NCAN: variants seen among roughly 807,000 people sequenced by gnomAD.
NCAN encodes the protein neurocan.
In NCAN, 47 loss-of-function variants were observed where a neutral mutation model predicts 121.8. The observed-to-expected ratio is 0.39, with a 90% CI of 0.31 to 0.49. NCAN has a LOEUF of 0.49. NCAN is among the 20% of genes least tolerant of loss of function. NCAN has a pLI of 0.92. For synonymous variants in NCAN, 633 were observed against 702.0 expected (o/e 0.90, Z 1.55); for missense variants, 1,517 against 1,773.4 (o/e 0.86, Z 2.60).
Position 19,250,076 on chromosome 19 carries a change from T to C in NCAN, c.*165T>C. On this transcript the variant is annotated 3_prime_UTR_variant, in exon 15 of 15. Coordinates refer to ENST00000252575, the MANE Select transcript of NCAN (RefSeq NM_004386.3). ...TGTACAAAGCTCCTCTTTTCCCTTT[T>C]TTTACATACACAAGATCCTCTTGGC... is the stretch of plus-strand genomic sequence containing the variant. 1 of 811,984 alleles carries C rather than the reference T, an allele frequency of 1.2e-6. No homozygotes were observed. Among genetic ancestry groups the C allele is most frequent in the South Asian group, 1.5e-5 (1 of 68,840 alleles). 50.3% of individuals were successfully genotyped at this position (811,984 alleles called of 1,614,324 possible).
rs1215825159 is a variant in NCAN, at chr19:19,251,335, AG to A, written c.*1425del. The A allele has an allele frequency of 6.6e-6, 1 of 152,248 alleles. No individual in the cohort carries two copies. Among genetic ancestry groups the A allele is most frequent in the Non-Finnish European group, 1.5e-5 (1 of 68,040 alleles). The allele number at this position is 152,248 out of a possible 1,614,324, so 9.4% of individuals were successfully genotyped here. ...TAATAATGACCATTGACAACTAAGAAGTAGACACCATGCTAAAGACTTACAT... is the reference window on the plus strand; with the variant it reads ...TAATAATGACCATTGACAACTAAGAATAGACACCATGCTAAAGACTTACAT... On this transcript the variant is annotated 3_prime_UTR_variant, in exon 15 of 15. Coordinates refer to ENST00000252575, the MANE Select transcript of NCAN (RefSeq NM_004386.3).
intron 12 of NCAN, among the ~76,000 whole-genome samples, chr19:19,243,170 G>T (rs75235904): frequency 0.057 from 8,717 of 151,824 alleles, 390 homozygotes; most frequent in Non-Finnish European, 0.083. Context: ...TCGGGAGAAG[G>T]GGGAGTCACT....
chr19:19,213,841 T>C (rs185357713), intron 1 of NCAN, among the ~76,000 whole-genome samples: 1 of 152,162 alleles, frequency 6.6e-6, no homozygotes, highest in East Asian at 1.9e-4. Flanking sequence ...TGAGCCCATC[T>C]CCCTTTCTCC....
chr19:19,235,194 C>T (rs2060876589), intron 10 of NCAN, 98 bp downstream of exon 10: 3 of 664,880 alleles, frequency 4.5e-6, no homozygotes, highest in Admixed American at 5.0e-5. Context: ...CCTCCAGTTC[C>T]ATGGCTGTGA....
chr19:19,228,864 C>A (rs533336629), intron 8 of NCAN, among the ~76,000 whole-genome samples: 1 of 152,148 alleles, frequency 6.6e-6, no homozygotes, highest in African/African-American at 2.4e-5. Flanking sequence ...GATGAAGTAG[C>A]GCTTGATCAA....
At chr19:19,249,061 G>A (rs541710273) in intron 14 of NCAN, 179 bp downstream of exon 14, 4 of 613,640 alleles carry the variant, frequency 6.5e-6, no homozygotes, top group Non-Finnish European at 8.5e-6. Context: ...GTGTGTGTGT[G>A]TGTGTGTGTG....
chr19:19,222,521 T>G, intron 3 of NCAN, among the ~76,000 whole-genome samples: 1 of 152,184 alleles, frequency 6.6e-6, no homozygotes, highest in Non-Finnish European at 1.5e-5. Context: ...TCAAGTGATC[T>G]GCCTGCCTCG....
At position 19,227,524 on chromosome 19, in the gene NCAN, T is replaced by A. The variant is rs1599813504; in HGVS notation, c.1904T>A (p.Met635Lys). ...TCCCCAGATCTCCCTATGATGGCCA[T>A]GCTGCGTGGTCCCAAAGAGTGGATG... The part of the protein sequence containing the change: ...ATSPDLPMMA[M>K]LRGPKEWMLP... The change falls in exon 8 of 15, where the codon ATG becomes AAG. Residue 635 changes from methionine to lysine, a missense_variant. Coordinates refer to ENST00000252575, the MANE Select transcript of NCAN (RefSeq NM_004386.3). This position sits in a 1 kb window ranked among gnomAD's most constrained non-coding sequence, Gnocchi z 4.2. 1 of 1,613,700 alleles carries A rather than the reference T, an allele frequency of 6.2e-7. No homozygotes were observed. Among genetic ancestry groups the A allele is most frequent in the East Asian group, 2.2e-5 (1 of 44,860 alleles).
At position 19,225,399 on chromosome 19, in the gene NCAN, T is replaced by A; in HGVS notation, c.1072+129T>A. ...CTTTGTGATAAGCCACATCCCTGGG[T>A]GAGGGCCACGCCCCCGGGTGAAGGC... On this transcript the variant is annotated intron_variant, in intron 6 of 14. Coordinates refer to ENST00000252575, the MANE Select transcript of NCAN (RefSeq NM_004386.3). The surrounding 1 kb of genome is among the most constrained non-coding windows in gnomAD (Gnocchi z 4.0). The A allele has an allele frequency of 8.5e-7, 1 of 1,174,144 alleles. No homozygotes were observed. Among genetic ancestry groups the A allele is most frequent in the Non-Finnish European group, 1.1e-6 (1 of 883,508 alleles). 72.7% of individuals were successfully genotyped at this position (1,174,144 alleles called of 1,614,324 possible).
chr19:19,228,257 G>T lies in NCAN; in HGVS notation c.2637G>T (p.Gly879=). 1 of 1,613,948 alleles carries T rather than the reference G, an allele frequency of 6.2e-7. No individual in the cohort carries two copies. The highest frequency in any genetic ancestry group is 8.5e-7 in the Non-Finnish European group (1 of 1,180,026). ...IVTPLTTLEQ[G]DKVGVPAMST... is the part of the protein sequence containing the mutation. ...CGCCCCTCACGACCCTGGAGCAGGG[G>T]GACAAGGTTGGAGTTCCAGCCATGT... Residue 879 remains glycine, a synonymous_variant, in exon 8 of 15, where the codon GGG becomes GGT. Transcript: ENST00000252575.
At chr19:19,219,432 T>A in intron 3 of NCAN, 116 bp downstream of exon 3, 1 of 1,144,770 alleles carries the variant, frequency 8.7e-7, no homozygotes, top group South Asian at 1.7e-5. Flanking sequence ...TGGTGTCTCA[T>A]GCCTGTAATC....
rs139539812 is a variant in NCAN at position 19,226,878 on chromosome 19, C to T, written c.1465C>T (p.Arg489Cys). Residue 489 changes from arginine (R) to cysteine (C), a missense_variant, in exon 7 of 15, where the codon CGC becomes TGC. Coordinates refer to ENST00000252575, the MANE Select transcript of NCAN (RefSeq NM_004386.3). Reference protein sequence around the residue: ...RRGRFKGLNGRYFQQQEPEPG... With the variant: ...RRGRFKGLNGCYFQQQEPEPG... ...GGGGCGCTTCAAAGGGTTGAATGGG[C>T]GCTACTTCCAGCAGCAGGAACCGGA... The T allele has an allele frequency of 5.6e-6, 9 of 1,611,448 alleles. No homozygotes were observed. In the African/African-American group the frequency reaches 8.0e-5, roughly 14 times the overall value.
At chr19:19,246,290 G>A (rs1283378373) in intron 13 of NCAN, among the ~76,000 whole-genome samples, 1 of 151,780 alleles carries the variant, frequency 6.6e-6, no homozygotes, top group African/African-American at 2.4e-5. Context: ...CACCCACCTC[G>A]GCCTCCCAAA....
intron 14 of NCAN, 195 bp downstream of exon 14, chr19:19,249,077 G>GTA: frequency 1.9e-6 from 1 of 539,470 alleles, no homozygotes. Context: ...GTGTGTGTGT[G>GTA]TGTATGTGTA....
rs1456862386 is a variant in NCAN at position 19,250,171 on chromosome 19, G to A, written c.*260G>A. 1.6e-6 allele frequency: 1 copy of A among 640,528 alleles called. No individual in the cohort carries two copies. Among genetic ancestry groups the A allele is most frequent in the Middle Eastern group, 2.5e-4 (1 of 4,046 alleles). 39.7% of individuals were successfully genotyped at this position (640,528 alleles called of 1,614,324 possible). A position where few individuals can be genotyped will look rare whatever the true frequency, so the allele number is the denominator to read the frequency against. On this transcript the variant is annotated 3_prime_UTR_variant, in exon 15 of 15. Transcript: ENST00000252575. ...CTCTGGGAGTGTGTCCCAGCTGAGG[G>A]AAGCACAAGTAGCAAAGCTCATTGG...
intron 2 of NCAN, among the ~76,000 whole-genome samples, chr19:19,217,849 T>C (rs2060801322): frequency 6.6e-6 from 1 of 151,860 alleles, no homozygotes; most frequent in Non-Finnish European, 1.5e-5. Flanking sequence ...TAGCCAGGTG[T>C]GGTGGCACAT....
chr19:19,231,474 G>A (rs1360562421), intron 8 of NCAN, among the ~76,000 whole-genome samples: 8 of 151,924 alleles, frequency 5.3e-5, no homozygotes, highest in South Asian at 4.1e-4. Context: ...GATTGTAGGC[G>A]TGCACCACCA....
chr19:19,228,157 C>T lies in NCAN; in HGVS notation c.2537C>T (p.Pro846Leu), dbSNP rs1395340802. The part of the protein sequence containing the change: ...APSDASGIWE[P>L]GSQVFEEAES... Reference sequence around the variant, plus strand: ...AGTGATGCTAGTGGAATTTGGGAACCTGGATCCCAGGTGTTTGAAGAAGCC... The same window carrying T: ...AGTGATGCTAGTGGAATTTGGGAACTTGGATCCCAGGTGTTTGAAGAAGCC... Residue 846 changes from proline (P) to leucine (L), a missense_variant, in exon 8 of 15, where the codon CCT (proline) becomes CTT (leucine). Pro to Leu is a moderately conservative substitution (Grantham distance 98). Coordinates refer to ENST00000252575, the MANE Select transcript of NCAN (RefSeq NM_004386.3). 1 of 1,613,870 alleles carries T rather than the reference C, an allele frequency of 6.2e-7. No individual in the cohort carries two copies.
intron 13 of NCAN, among the ~76,000 whole-genome samples, chr19:19,246,316 G>A (rs551300884): frequency 6.6e-6 from 1 of 152,082 alleles, no homozygotes; most frequent in Admixed American, 6.6e-5. Flanking sequence ...GGGATTACAA[G>A]CATGAGCCAC....
Sources: gnomAD v4.1 joint callset for allele counts (sites outside exome capture counted in the v4.1 genomes callset) on GRCh38, gnomAD v4.1.1 for gene constraint, Gnocchi (gnomAD v3.1) non-coding constraint, MANE v1.5 for transcripts, NCBI Gene and HGNC (gene_info 2026-07-23, HGNC 2026-07-21) for gene names.